SEMA4D: variants seen among roughly 807,000 people sequenced by gnomAD.
The protein encoded by SEMA4D is semaphorin 4D.
Under a neutral mutation model 74.8 loss-of-function variants are expected in SEMA4D, and 22 were observed. That is an observed-to-expected ratio of 0.29 (90% confidence interval 0.21 to 0.42). The LOEUF is 0.42. SEMA4D is among the 10% of genes least tolerant of loss of function. The pLI, the probability that SEMA4D is intolerant of heterozygous loss-of-function variation, is 1.00. For missense variants in SEMA4D, 937 were observed against 1,118.4 expected (o/e 0.84, Z 2.31); for synonymous variants, 445 against 463.7 (o/e 0.96, Z 0.52).
intron 1 of SEMA4D, among the ~76,000 whole-genome samples, chr9:89,460,403 G>T (rs1251401126): frequency 6.6e-6 from 1 of 152,246 alleles, no homozygotes; most frequent in Non-Finnish European, 1.5e-5. Flanking sequence ...GGCCCCTACT[G>T]TGACAGTCCA....
chr9:89,481,012 G>A (rs974144088), intron 1 of SEMA4D, among the ~76,000 whole-genome samples: 9 of 152,198 alleles, frequency 5.9e-5, no homozygotes, highest in Non-Finnish European at 1.0e-4. Context: ...TCCTTCTCCC[G>A]CTAAAAGTAA....
intron 2 of SEMA4D, among the ~76,000 whole-genome samples, chr9:89,439,875 C>A (rs543817039): frequency 6.6e-6 from 1 of 152,364 alleles, no homozygotes; most frequent in South Asian, 2.1e-4. Flanking sequence ...GACCCACGAT[C>A]AAGCTCACCG....
At chr9:89,374,181 G>T (rs1008825747), downstream of SEMA4D, among the ~76,000 whole-genome samples, 2 of 152,210 alleles carry the variant, frequency 1.3e-5, no homozygotes, top group African/African-American at 4.8e-5. Flanking sequence ...CGGAGGGCTG[G>T]GGGCCTCAGT....
At chr9:89,393,752 T>C in intron 6 of SEMA4D, 97 bp from the exon 7 acceptor site, 3 of 956,480 alleles carry the variant, frequency 3.1e-6, no homozygotes, top group Non-Finnish European at 5.0e-6. Context: ...TTTGCTCTTC[T>C]CGGAAGACCA....
intron 5 of SEMA4D, among the ~76,000 whole-genome samples, chr9:89,398,828 C>G (rs1023363933): frequency 6.6e-6 from 1 of 152,102 alleles, no homozygotes; most frequent in African/African-American, 2.4e-5. Context: ...CACAGCAGGC[C>G]GAATAAATGG....
At chr9:89,478,884 T>C (rs1164975841) in intron 1 of SEMA4D, among the ~76,000 whole-genome samples, 1 of 151,994 alleles carries the variant, frequency 6.6e-6, no homozygotes, top group Non-Finnish European at 1.5e-5. Flanking sequence ...TGCAACATGT[T>C]ACTACACTCC....
intron 16 of SEMA4D, among the ~76,000 whole-genome samples, chr9:89,366,174 C>T (rs1045363544): frequency 6.6e-6 from 1 of 152,172 alleles, no homozygotes; most frequent in South Asian, 2.1e-4. Context: ...GAAACAATAT[C>T]TAGGAATGTG....
At chr9:89,424,154 C>T (rs1215708574) in intron 2 of SEMA4D, among the ~76,000 whole-genome samples, 5 of 152,164 alleles carry the variant, frequency 3.3e-5, no homozygotes, top group Non-Finnish European at 7.4e-5. Context: ...TCCTCCTCCC[C>T]ACAGCTACTT....
chr9:89,385,111 C>A, intron 13 of SEMA4D: 1 of 954,194 alleles, frequency 1.0e-6, no homozygotes, highest in Non-Finnish European at 1.2e-6. Context: ...GGCCATGTGA[C>A]CGAGTTCTGG....
rs138153621 is a variant in SEMA4D at position 89,414,999 on chromosome 9, C to T, written c.-243-9300G>A. On this transcript the variant is annotated intron_variant, in intron 2 of 15. Transcript: ENST00000422704. The stretch of plus-strand genomic sequence containing the variant: ...AAGAACACAGGCATCCATCTATCAG[C>T]AATGTCGGCAGGACAAGCGCTATGA... Among the ~76,000 whole-genome samples, 147 of 152,358 alleles carry T rather than the reference C, an allele frequency of 9.6e-4. 1 individual carries two copies. Among genetic ancestry groups the T allele is most frequent in the Admixed American group, 2.4e-3 (36 of 15,308 alleles).
chr9:89,376,985 TC>T, downstream of SEMA4D: 1 of 1,549,770 alleles, frequency 6.5e-7, no homozygotes, highest in Non-Finnish European at 8.7e-7. Context: ...AAGCCTCCTG[TC>T]CCCCACATGG....
chr9:89,415,380 T>TTAA (rs1845497639), intron 2 of SEMA4D, among the ~76,000 whole-genome samples: 1 of 152,180 alleles, frequency 6.6e-6, no homozygotes, highest in African/African-American at 2.4e-5. Flanking sequence ...GAGGACTGTG[T>TTAA]TAACCCTGCG....
At chr9:89,488,913 C>A (rs1434887852) in intron 1 of SEMA4D, among the ~76,000 whole-genome samples, 1 of 152,094 alleles carries the variant, frequency 6.6e-6, no homozygotes, top group Non-Finnish European at 1.5e-5. Context: ...AGGTTTGAGT[C>A]AAGAATATGT....
chr9:89,414,164 AG>A (rs1214519656), intron 2 of SEMA4D, among the ~76,000 whole-genome samples: 1 of 152,212 alleles, frequency 6.6e-6, no homozygotes, highest in Non-Finnish European at 1.5e-5. Context: ...TGCCAGCAAC[AG>A]GATGCAACAC....
At chr9:89,402,697 C>A (rs574776999) in intron 4 of SEMA4D, among the ~76,000 whole-genome samples, 174 bp downstream of exon 4, 6 of 147,532 alleles carry the variant, frequency 4.1e-5, no homozygotes, top group Admixed American at 2.7e-4. Flanking sequence ...AAAAAAAAAG[C>A]AAAGAGGGTG....
At chr9:89,488,171 G>T (rs2136243981) in intron 1 of SEMA4D, among the ~76,000 whole-genome samples, 1 of 152,244 alleles carries the variant, frequency 6.6e-6, no homozygotes, top group Admixed American at 6.5e-5. Flanking sequence ...AAGGCACACA[G>T]ATATGGTCAA....
chr9:89,472,525 T>C, intron 1 of SEMA4D: 1 of 267,390 alleles, frequency 3.7e-6, no homozygotes, highest in Non-Finnish European at 7.5e-6. Context: ...TTAACAGTCC[T>C]AACGACATGG....
rs532211538 is a variant in SEMA4D at position 89,454,772 on chromosome 9, T to C, written c.-244+1116A>G. Among the ~76,000 whole-genome samples the C allele has an allele frequency of 1.1e-3, 175 of 152,270 alleles. 1 individual carries two copies. The highest frequency in any genetic ancestry group is 1.8e-3 in the Non-Finnish European group (120 of 67,998). On this transcript the variant is annotated intron_variant, in intron 2 of 15. Transcript: ENST00000422704. ...CTGCACAGCACAAGGACATGTCCCA[T>C]GCCAGCCCAGGCCACCCTCGGGGTG...
intron 6 of SEMA4D, among the ~76,000 whole-genome samples, chr9:89,396,178 C>A (rs1202636717): frequency 6.6e-6 from 1 of 152,094 alleles, no homozygotes; most frequent in African/African-American, 2.4e-5. Context: ...GTGGGTGGAC[C>A]CAGGAGTGGT....
Sources: gnomAD v4.1 joint callset for allele counts (sites outside exome capture counted in the v4.1 genomes callset) on GRCh38, gnomAD v4.1.1 for gene constraint, MANE v1.5 for transcripts, NCBI Gene and HGNC (gene_info 2026-07-23, HGNC 2026-07-21) for gene names.